FGF17: variants seen among roughly 807,000 people sequenced by gnomAD.
The protein encoded by FGF17 is fibroblast growth factor 17.
In FGF17, 5 loss-of-function variants were observed where a neutral mutation model predicts 23.5. The ratio of observed to expected loss-of-function variants is 0.21; its 90% CI spans 0.11 to 0.45. The LOEUF (loss-of-function observed/expected upper bound fraction) is 0.45, where lower values mean the gene tolerates loss of function less well. Among genes scored for constraint, FGF17 ranks in the 20% least tolerant of loss-of-function variants. The pLI is 0.99. For synonymous variants in FGF17, 136 were observed against 123.0 expected, an observed-to-expected ratio of 1.11 and a Z score of -0.70; for missense variants, 221 against 306.9, an observed-to-expected ratio of 0.72 and a Z score of 2.09.
intron 2 of FGF17, among the ~76,000 whole-genome samples, chr8:22,043,686 C>T (rs1274553650): frequency 6.6e-6 from 1 of 152,110 alleles, no homozygotes; most frequent in Non-Finnish European, 1.5e-5. Flanking sequence ...AGAGGTCAAG[C>T]CCAAAGAGGT....
At chr8:22,044,871 A>T (rs1367823199) in intron 2 of FGF17, 1 of 985,218 alleles carries the variant, frequency 1.0e-6, no homozygotes, top group African/African-American at 1.7e-5. Flanking sequence ...AGTAGCCCCT[A>T]ACAGATGCTA....
upstream of FGF17, among the ~76,000 whole-genome samples, chr8:22,041,819 A>G (rs1231235260): frequency 1.3e-5 from 2 of 152,256 alleles, no homozygotes; most frequent in Non-Finnish European, 2.9e-5. Flanking sequence ...AAAATGGGCT[A>G]GTCGCTGGCA....
chr8:22,046,705 C>T, intron 4 of FGF17, 72 bp downstream of exon 4: 1 of 963,774 alleles, frequency 1.0e-6, no homozygotes, highest in South Asian at 1.3e-5. Context: ...GCATCATGCT[C>T]CCCTCTCTCC....
At chr8:22,043,670 G>A (rs1160306517) in intron 2 of FGF17, among the ~76,000 whole-genome samples, 4 of 152,110 alleles carry the variant, frequency 2.6e-5, no homozygotes, top group Non-Finnish European at 5.9e-5. Context: ...CTCACCTAGA[G>A]GGCACAGAGG....
At position 22,046,595 on chromosome 8, in the gene FGF17, TA is replaced by T. The variant is rs1800873631; in HGVS notation, c.320del (p.Tyr107SerfsTer4). The T allele has an allele frequency of 6.2e-7, 1 of 1,613,592 alleles. No homozygotes were observed. The highest frequency in any genetic ancestry group is 8.5e-7 in the Non-Finnish European group (1 of 1,179,772). On this transcript the variant is annotated frameshift_variant, in exon 4 of 5. Coordinates refer to ENST00000359441, the MANE Select transcript of FGF17 (RefSeq NM_003867.4). LOFTEE classifies it high-confidence loss of function. Reference protein sequence around the residue: ...VRIKGAESEKYICMNKRGKLI... With the variant: ...VRIKGAESEKXICMNKRGKLI... ...CATCAAAGGGGCTGAGAGTGAGAAG[TA>T]CATCTGTATGAACAAGAGGGGCAAG...
intron 2 of FGF17, chr8:22,045,208 T>C: frequency 1.0e-6 from 1 of 985,400 alleles, no homozygotes; most frequent in Non-Finnish European, 1.2e-6. Flanking sequence ...AAATGGTTCC[T>C]CTCCCCCAAC....
At chr8:22,045,169 C>T (rs1800837535) in intron 2 of FGF17, 3 of 985,330 alleles carry the variant, frequency 3.0e-6, no homozygotes, top group Non-Finnish European at 3.6e-6. Flanking sequence ...AGGCGGTACT[C>T]CTCCTGGCTT....
Position 22,043,176 on chromosome 8 carries a change from A to G in FGF17, c.67A>G (p.Thr23Ala). Residue 23 changes from threonine to alanine, a missense_variant, in exon 2 of 5, where the codon ACT becomes GCT. By Grantham distance (58) the Thr-to-Ala change is moderately conservative. Coordinates refer to ENST00000359441, the MANE Select transcript of FGF17 (RefSeq NM_003867.4). ...ACAGCTGCTGATTCTCTGCTGTCAA[A>G]CTCAGGTAGGCGGGCATTCCCACCG... is the stretch of plus-strand genomic sequence containing the variant. Reference protein sequence around the residue: ...CLQLLILCCQTQGENHPSPNF... With the variant: ...CLQLLILCCQAQGENHPSPNF... 1 of 1,613,584 alleles carries G rather than the reference A, an allele frequency of 6.2e-7. No homozygotes were observed. The highest frequency in any genetic ancestry group is 8.5e-7 in the Non-Finnish European group (1 of 1,179,972).
Position 22,048,635 on chromosome 8 carries a change from C to T in FGF17, c.*386C>T, listed in dbSNP as rs1201423327. 2 of 257,506 alleles carry T rather than the reference C, an allele frequency of 7.8e-6. No homozygotes were observed. The highest frequency in any genetic ancestry group is 1.5e-5 in the Non-Finnish European group (2 of 135,412). 16.0% of individuals were successfully genotyped at this position (257,506 alleles called of 1,614,324 possible). A position where few individuals can be genotyped will look rare whatever the true frequency, so the allele number is the denominator to read the frequency against. On this transcript the variant is annotated 3_prime_UTR_variant, in exon 5 of 5. Coordinates refer to ENST00000359441, the MANE Select transcript of FGF17 (RefSeq NM_003867.4). This position sits in a 1 kb window ranked among gnomAD's most constrained non-coding sequence, Gnocchi z 6.9. ...GATCTCCCTCAGTCTGCCCCCAGCC[C>T]CCAAACTCCTCCTGGCTAGACTGTA...
rs182343990 is a variant in FGF17, at chr8:22,046,754, C to T, written c.357+121C>T. ...CCCTCCTGTGTAAAGACTTCCCATC[C>T]TACTCTCAGCCCACCCACTGGGCCA... On this transcript the variant is annotated intron_variant, in intron 4 of 4. Transcript: ENST00000359441. 3 of 683,776 alleles carry T rather than the reference C, an allele frequency of 4.4e-6. No homozygotes were observed. The South Asian group carries it at 5.2e-5, about 12-fold the overall frequency. 42.4% of individuals were successfully genotyped at this position (683,776 alleles called of 1,614,324 possible).
chr8:22,043,241 G>C (rs1585533138), intron 2 of FGF17, 60 bp downstream of exon 2: 1 of 1,560,724 alleles, frequency 6.4e-7, no homozygotes, highest in Non-Finnish European at 8.8e-7. Context: ...ACCAGGGCGG[G>C]TGCAAGGGAC....
Position 22,042,822 on chromosome 8 carries a change from G to A in FGF17, c.-107G>A. On this transcript the variant is annotated 5_prime_UTR_variant, in exon 1 of 5. Coordinates refer to ENST00000359441, the MANE Select transcript of FGF17 (RefSeq NM_003867.4). ...CCTCCTCGCCCCCCTGAAAACCTGT[G>A]GCTCGGAGAGACCTTGGCTTCTCTG... is the stretch of plus-strand genomic sequence containing the variant. The A allele has an allele frequency of 1.7e-6, 2 of 1,168,222 alleles. No homozygotes were observed. The highest frequency in any genetic ancestry group is 2.5e-6 in the Non-Finnish European group (2 of 799,158). The allele number at this position is 1,168,222 out of a possible 1,614,324, so 72.4% of individuals were successfully genotyped here.
chr8:22,041,237 C>T (rs562426552), upstream of FGF17, among the ~76,000 whole-genome samples: 99 of 152,276 alleles, frequency 6.5e-4, no homozygotes, highest in African/African-American at 2.0e-3. Context: ...GCTGGGTTCC[C>T]GAGGAAGAGC....
At chr8:22,045,599 C>G in intron 2 of FGF17, 1 of 1,014,618 alleles carries the variant, frequency 9.9e-7, no homozygotes, top group Middle Eastern at 5.0e-4. Context: ...GACCCTAACT[C>G]GCAGCACCAT....
chr8:22,045,239 C>G (rs144679920), intron 2 of FGF17: 6 of 985,398 alleles, frequency 6.1e-6, no homozygotes, highest in Non-Finnish European at 7.2e-6. Context: ...AGCAGGTGGG[C>G]GGGCGCATCC....
At chr8:22,040,904 C>A (rs925637138), upstream of FGF17, among the ~76,000 whole-genome samples, 1 of 152,164 alleles carries the variant, frequency 6.6e-6, no homozygotes, top group Admixed American at 6.5e-5. Flanking sequence ...AGAGTGTAAC[C>A]CAGACTGCAG....
At chr8:22,044,653 G>A (rs554631513) in intron 2 of FGF17, 56 of 984,966 alleles carry the variant, frequency 5.7e-5, no homozygotes, top group South Asian at 3.3e-4. Context: ...GGCTGGGCAG[G>A]TCCCCCACCC....
At chr8:22,045,054 G>C (rs1484164) in intron 2 of FGF17, 983,145 of 985,588 alleles carry the variant, frequency 1, 490,399 homozygotes, top group East Asian at 1. Context: ...CTGTTGCCAG[G>C]AGCCAGGAAA....
chr8:22,045,100 A>T (rs1459661241), intron 2 of FGF17: 2 of 985,436 alleles, frequency 2.0e-6, no homozygotes, highest in Admixed American at 6.1e-5. Flanking sequence ...ATGGAGGGGA[A>T]GAAGTACTCA....
Sources: gnomAD v4.1 joint callset for allele counts (sites outside exome capture counted in the v4.1 genomes callset) on GRCh38, gnomAD v4.1.1 for gene constraint, Gnocchi (gnomAD v3.1) non-coding constraint, MANE v1.5 for transcripts, NCBI Gene and HGNC (gene_info 2026-07-23, HGNC 2026-07-21) for gene names.